PTPRD: variants seen among roughly 807,000 people sequenced by gnomAD.
PTPRD encodes protein tyrosine phosphatase receptor type D, also known as receptor-type tyrosine-protein phosphatase delta.
Under a neutral mutation model 214.5 loss-of-function variants are expected in PTPRD, and 34 were observed. The observed-to-expected ratio is 0.16, with a 90% CI of 0.12 to 0.21. The LOEUF is 0.21. Among genes scored for constraint, PTPRD ranks in the 10% least tolerant of loss-of-function variants. The pLI, the probability that PTPRD is intolerant of heterozygous loss-of-function variation, is 1.00. For synonymous variants in PTPRD, 1,128 were observed against 845.7 expected (o/e 1.33, Z -5.79); for missense variants, 2,545 against 2,398.7 (o/e 1.06, Z -1.27).
At position 8,636,865 on chromosome 9, in the gene PTPRD, C is replaced by T. The variant is rs1370524590; in HGVS notation, c.65-21G>A. 3 of 1,607,928 alleles carry T rather than the reference C, an allele frequency of 1.9e-6. No individual in the cohort carries two copies. The South Asian group carries it at 3.3e-5, about 18-fold the overall frequency. Reference sequence around the variant, plus strand: ...AGGTGCTGAAATAAAAAATAAACATCACAGTTAAATTGAAAACTGAAATAC... The same window carrying T: ...AGGTGCTGAAATAAAAAATAAACATTACAGTTAAATTGAAAACTGAAATAC... On this transcript the variant is annotated intron_variant, in intron 12 of 45. Coordinates refer to ENST00000381196, the MANE Select transcript of PTPRD (RefSeq NM_002839.4).
At position 10,435,347 on chromosome 9, in the gene PTPRD, C is replaced by G. The variant is rs114650745; in HGVS notation, c.-599-94330G>C. ...CACTTTACACGACTCATACAGAATG[C>G]AAAGTTTCTCAAAGCATTTAGCCCT... On this transcript the variant is annotated intron_variant, in intron 2 of 45. Coordinates refer to ENST00000381196, the MANE Select transcript of PTPRD (RefSeq NM_002839.4). Among the ~76,000 whole-genome samples the G allele has an allele frequency of 4.9e-3, 745 of 151,970 alleles. 4 individuals are homozygous for G. The highest frequency in any genetic ancestry group is 0.017 in the African/African-American group (708 of 41,508).
chr9:10,544,266 G>T (rs1010792799), intron 2 of PTPRD, among the ~76,000 whole-genome samples: 8 of 151,962 alleles, frequency 5.3e-5, no homozygotes, highest in African/African-American at 1.9e-4. Context: ...ATCTGTCACA[G>T]GGACAAAGTT....
At chr9:8,848,810 C>G (rs1393108830) in intron 11 of PTPRD, among the ~76,000 whole-genome samples, 1 of 125,622 alleles carries the variant, frequency 8.0e-6, no homozygotes, top group African/African-American at 2.9e-5. Flanking sequence ...TCTATGCAAC[C>G]TTGGGCAAAT....
At chr9:8,893,962 A>G (rs529188043) in intron 11 of PTPRD, among the ~76,000 whole-genome samples, 1 of 152,270 alleles carries the variant, frequency 6.6e-6, no homozygotes, top group African/African-American at 2.4e-5. Flanking sequence ...AATAGACAAG[A>G]AAAGATATAC....
rs921146204 is a variant in PTPRD, at chr9:8,815,657, G to GT, written c.-103-81712dup. The stretch of plus-strand genomic sequence containing the variant: ...TATTCCCATCAGTTTGAGATTATGG[G>GT]TTTTTTTTCCCTCATCTCCTGCATA... On this transcript the variant is annotated intron_variant, in intron 11 of 45. Coordinates refer to ENST00000381196, the MANE Select transcript of PTPRD (RefSeq NM_002839.4). Among the ~76,000 whole-genome samples the GT allele has an allele frequency of 5.9e-5, 9 of 151,950 alleles. No homozygotes were observed. The South Asian group carries it at 8.3e-4, about 14-fold the overall frequency.
At chr9:10,024,833 A>G (rs889603935) in intron 4 of PTPRD, among the ~76,000 whole-genome samples, 4 of 126,444 alleles carry the variant, frequency 3.2e-5, no homozygotes, top group Admixed American at 2.0e-4. Flanking sequence ...TCCTGTGTCC[A>G]TGTGTTCTCA....
intron 9 of PTPRD, among the ~76,000 whole-genome samples, chr9:9,334,289 A>G (rs1202498472): frequency 6.6e-6 from 1 of 151,998 alleles, no homozygotes; most frequent in East Asian, 1.9e-4. Flanking sequence ...CCAAAAAACA[A>G]AAAGAGGATT....
intron 2 of PTPRD, among the ~76,000 whole-genome samples, chr9:10,543,473 T>TACACAC (rs1462198412): frequency 9.8e-4 from 53 of 54,342 alleles, no homozygotes; most frequent in South Asian, 1.8e-3. Context: ...GTTTAATATA[T>TACACAC]ATATATACAC....
intron 5 of PTPRD, among the ~76,000 whole-genome samples, chr9:9,792,185 C>T (rs1347327172): frequency 6.6e-6 from 1 of 152,060 alleles, no homozygotes; most frequent in Non-Finnish European, 1.5e-5. Flanking sequence ...AAGATGACCA[C>T]CCTTCCCTCA....
chr9:8,902,071 T>A (rs572198855), intron 11 of PTPRD, among the ~76,000 whole-genome samples: 1 of 152,314 alleles, frequency 6.6e-6, no homozygotes, highest in East Asian at 1.9e-4. Context: ...ATATGCATAA[T>A]CTCTATTCAG....
At chr9:8,926,229 T>C (rs993812535) in intron 11 of PTPRD, among the ~76,000 whole-genome samples, 1 of 152,084 alleles carries the variant, frequency 6.6e-6, no homozygotes, top group Admixed American at 6.6e-5. Context: ...CTTCTACTTA[T>C]CCTTCAAAAC....
chr9:8,731,129 C>T (rs1257441384), intron 12 of PTPRD, among the ~76,000 whole-genome samples: 3 of 152,208 alleles, frequency 2.0e-5, no homozygotes, highest in African/African-American at 7.2e-5. Flanking sequence ...CAACATCACA[C>T]CCAGTACTTT....
At chr9:9,285,477 T>C (rs1200685996) in intron 9 of PTPRD, among the ~76,000 whole-genome samples, 1 of 151,834 alleles carries the variant, frequency 6.6e-6, no homozygotes, top group Non-Finnish European at 1.5e-5. Context: ...AATAATCACT[T>C]GATGGCTTCA....
intron 5 of PTPRD, among the ~76,000 whole-genome samples, chr9:9,810,034 C>G (rs1056916535): frequency 2.6e-5 from 4 of 151,294 alleles, no homozygotes; most frequent in Non-Finnish European, 5.9e-5. Context: ...CCTGCCTCTC[C>G]TGCCTACCCT....
intron 11 of PTPRD, among the ~76,000 whole-genome samples, chr9:8,837,071 G>A (rs1379704093): frequency 6.8e-6 from 1 of 146,434 alleles, no homozygotes; most frequent in Non-Finnish European, 1.5e-5. Flanking sequence ...TGTCACCCAG[G>A]CTGGAGTGCA....
At chr9:10,433,491 T>C (rs1037251571) in intron 2 of PTPRD, among the ~76,000 whole-genome samples, 2 of 151,960 alleles carry the variant, frequency 1.3e-5, no homozygotes, top group African/African-American at 4.8e-5. Flanking sequence ...TCTTTGCATT[T>C]CAGTTACGTA....
chr9:9,563,322 T>TATA, intron 8 of PTPRD, among the ~76,000 whole-genome samples: 1 of 152,164 alleles, frequency 6.6e-6, no homozygotes, highest in East Asian at 1.9e-4. Flanking sequence ...GATAGACTAT[T>TATA]ATAAGGTGGG....
At chr9:9,258,117 A>ATAGATAGG (rs1555116284) in intron 9 of PTPRD, among the ~76,000 whole-genome samples, 1 of 151,884 alleles carries the variant, frequency 6.6e-6, no homozygotes, top group African/African-American at 2.4e-5. Context: ...AGATAGATAG[A>ATAGATAGG]CAGATAAACT....
chr9:10,488,524 C>T lies in PTPRD; in HGVS notation c.-600+123874G>A, dbSNP rs577921733. Reference sequence around the variant, plus strand: ...CAGCAGGTGGCAATGTCAGGCAGGCCTGTGTCCTTCCATTCAGGATGGCAA... The same window carrying T: ...CAGCAGGTGGCAATGTCAGGCAGGCTTGTGTCCTTCCATTCAGGATGGCAA... On this transcript the variant is annotated intron_variant, in intron 2 of 45. Coordinates refer to ENST00000381196, the MANE Select transcript of PTPRD (RefSeq NM_002839.4). Among the ~76,000 whole-genome samples the T allele has an allele frequency of 2.6e-5, 4 of 152,296 alleles. No homozygotes were observed. The South Asian group carries it at 8.3e-4, about 32-fold the overall frequency.
Sources: allele counts gnomAD v4.1 joint callset (sites outside exome capture counted in the v4.1 genomes callset), GRCh38; gene constraint gnomAD v4.1.1; transcripts MANE v1.5; gene names NCBI Gene and HGNC (gene_info 2026-07-23, HGNC 2026-07-21).